The following CDH18 variants were observed in gnomAD, a reference collection of about 807,000 sequenced individuals.
CDH18 encodes the protein cadherin 18.
Under a neutral mutation model 67.9 loss-of-function variants are expected in CDH18, and 31 were observed. That is an observed-to-expected ratio of 0.46 (90% CI 0.34 to 0.62). The LOEUF (loss-of-function observed/expected upper bound fraction) is 0.62. CDH18 is among the 20% of genes least tolerant of loss of function. The probability of loss-of-function intolerance (pLI) is 0.01; values close to 1 mark genes in which losing one functional copy is unlikely to be tolerated. For missense variants in CDH18, 890 were observed against 975.5 expected, an observed-to-expected ratio of 0.91 and a Z score of 1.17; for synonymous variants, 362 against 347.2, an observed-to-expected ratio of 1.04 and a Z score of -0.48.
intron 2 of CDH18, among the ~76,000 whole-genome samples, chr5:19,874,066 G>A (rs1786657982): frequency 6.6e-6 from 1 of 152,160 alleles, no homozygotes; most frequent in African/African-American, 2.4e-5. Flanking sequence ...TATACACTCA[G>A]AAGTATGTCA....
At position 20,557,973 on chromosome 5, in the gene CDH18, TAAA is replaced by T. The variant is rs1246377241; in HGVS notation, c.-580+17486_-580+17488del. ...ATTTAATGTTATAGTTATATAACAT[TAAA>T]TGTTATAGTTATATAACATTAAATG... On this transcript the variant is annotated intron_variant, in intron 1 of 14. Transcript: ENST00000507958. Among the ~76,000 whole-genome samples, 24 of 49,142 alleles carry T rather than the reference TAAA, an allele frequency of 4.9e-4. 6 individuals are homozygous for T. Among genetic ancestry groups the T allele is most frequent in the Non-Finnish European group, 1.1e-3 (17 of 15,604 alleles). The allele number at this position is 49,142 out of a possible 152,430, so 32.2% of individuals were successfully genotyped here. A position where few individuals can be genotyped will look rare whatever the true frequency, so the allele number is the denominator to read the frequency against.
At chr5:19,742,135 C>T (rs193264755) in intron 4 of CDH18, among the ~76,000 whole-genome samples, 3 of 152,166 alleles carry the variant, frequency 2.0e-5, no homozygotes, top group Non-Finnish European at 2.9e-5. Flanking sequence ...CAGACTTTGT[C>T]GGCAGATTAT....
intron 1 of CDH18, among the ~76,000 whole-genome samples, chr5:20,416,783 G>A (rs548366094): frequency 6.6e-6 from 1 of 152,110 alleles, no homozygotes; most frequent in South Asian, 2.1e-4. Context: ...GGTATGATAA[G>A]GTTCTTTACA....
chr5:19,473,368 C>G lies in CDH18; in HGVS notation c.2231G>C (p.Arg744Thr). 1 of 1,613,926 alleles carries G rather than the reference C, an allele frequency of 6.2e-7. No individual in the cohort carries two copies. Among genetic ancestry groups the G allele is most frequent in the Non-Finnish European group, 8.5e-7 (1 of 1,179,916 alleles). Residue 744 changes from arginine (R) to threonine (T), a missense_variant, in exon 13 of 13, where the codon AGA becomes ACA. By Grantham distance (71) the Arg-to-Thr change is moderately conservative. Coordinates refer to ENST00000382275, the MANE Select transcript of CDH18 (RefSeq NM_004934.5). ...CGAGCTGATAGACCCAGCTTCTGAT[C>G]TCTGACCCTCATAGGCATAAGTCTG... ...SLQTYAYEGQ[R>T]SEAGSISSLD...
intron 7 of CDH18, among the ~76,000 whole-genome samples, chr5:19,579,137 C>G (rs1312263779): frequency 6.6e-6 from 1 of 151,916 alleles, no homozygotes; most frequent in Non-Finnish European, 1.5e-5. Context: ...AATACTTTAT[C>G]TATCACAGAC....
At chr5:20,363,414 G>A (rs1278063356) in intron 1 of CDH18, among the ~76,000 whole-genome samples, 1 of 148,148 alleles carries the variant, frequency 6.8e-6, no homozygotes, top group Non-Finnish European at 1.5e-5. Flanking sequence ...GAACCTGGGA[G>A]GCAGAGGTTG....
intron 1 of CDH18, among the ~76,000 whole-genome samples, chr5:20,288,788 T>C (rs1272656184): frequency 6.6e-6 from 1 of 151,880 alleles, no homozygotes; most frequent in Non-Finnish European, 1.5e-5. Flanking sequence ...CATATCCCTT[T>C]ACACTTGAAA....
At chr5:19,479,193 A>C (rs1249399047) in intron 12 of CDH18, among the ~76,000 whole-genome samples, 2 of 152,228 alleles carry the variant, frequency 1.3e-5, no homozygotes, top group Non-Finnish European at 2.9e-5. Context: ...TAGATCACAC[A>C]GTTATTGGCA....
chr5:19,766,142 T>C (rs1773060667), intron 3 of CDH18, among the ~76,000 whole-genome samples: 1 of 152,130 alleles, frequency 6.6e-6, no homozygotes, highest in South Asian at 2.1e-4. Context: ...GTCTCCCAAA[T>C]TGCTGGGATC....
chr5:20,339,526 G>A (rs541239562), intron 1 of CDH18, among the ~76,000 whole-genome samples: 122 of 152,080 alleles, frequency 8.0e-4, no homozygotes, highest in African/African-American at 2.6e-3. Context: ...GGGAATCCCT[G>A]GAAATGCCTA....
At chr5:19,633,786 T>G (rs1041248423) in intron 5 of CDH18, among the ~76,000 whole-genome samples, 2 of 151,912 alleles carry the variant, frequency 1.3e-5, no homozygotes, top group Non-Finnish European at 2.9e-5. Flanking sequence ...CGCACTACCA[T>G]ACCCACCTAA....
intron 2 of CDH18, among the ~76,000 whole-genome samples, chr5:20,108,218 T>C (rs931122131): frequency 3.3e-5 from 5 of 152,126 alleles, no homozygotes; most frequent in African/African-American, 1.2e-4. Context: ...CAGGTGGGAC[T>C]ACAGGCATGT....
chr5:19,824,082 A>G (rs1388544452), intron 3 of CDH18, among the ~76,000 whole-genome samples: 1 of 152,240 alleles, frequency 6.6e-6, no homozygotes, highest in African/African-American at 2.4e-5. Flanking sequence ...TAACAGAAGT[A>G]AAGAAATAGC....
chr5:20,232,957 T>TA (rs928243162), intron 2 of CDH18, among the ~76,000 whole-genome samples: 2 of 151,856 alleles, frequency 1.3e-5, no homozygotes, highest in African/African-American at 4.8e-5. Context: ...GATTATTCAG[T>TA]AAAAAATGAA....
chr5:20,414,633 C>T (rs528629932), intron 1 of CDH18, among the ~76,000 whole-genome samples: 42 of 152,144 alleles, frequency 2.8e-4, no homozygotes, highest in Non-Finnish European at 5.6e-4. Flanking sequence ...AAATAAATGC[C>T]AATTACCTAA....
intron 2 of CDH18, among the ~76,000 whole-genome samples, chr5:20,229,585 A>G (rs1243768491): frequency 6.6e-6 from 1 of 152,176 alleles, no homozygotes; most frequent in Non-Finnish European, 1.5e-5. Context: ...TTTTAATTAA[A>G]AAAGTAATTT....
At chr5:20,287,361 A>C in intron 1 of CDH18, among the ~76,000 whole-genome samples, 1 of 151,706 alleles carries the variant, frequency 6.6e-6, no homozygotes, top group East Asian at 1.9e-4. Flanking sequence ...TTTTAAATAT[A>C]TATTTATTCA....
intron 1 of CDH18, among the ~76,000 whole-genome samples, chr5:20,439,303 T>A (rs1483207038): frequency 6.6e-6 from 1 of 151,586 alleles, no homozygotes; most frequent in Non-Finnish European, 1.5e-5. Context: ...GGAAAGTAAG[T>A]TTGGTGGATT....
chr5:20,375,326 G>A (rs1159607571), intron 1 of CDH18, among the ~76,000 whole-genome samples: 1 of 152,144 alleles, frequency 6.6e-6, no homozygotes, highest in Non-Finnish European at 1.5e-5. Context: ...GAGATTGTAA[G>A]AATTGATCAT....
Sources: gnomAD v4.1 joint callset for allele counts (sites outside exome capture counted in the v4.1 genomes callset) on GRCh38, gnomAD v4.1.1 for gene constraint, MANE v1.5 for transcripts, NCBI Gene and HGNC (gene_info 2026-07-23, HGNC 2026-07-21) for gene names.